ATP11A: variants seen among roughly 807,000 people sequenced by gnomAD.
The protein encoded by ATP11A is ATPase phospholipid transporting 11A, also known as phospholipid-transporting ATPase IH.
A neutral mutation model predicts 154.4 loss-of-function variants in ATP11A; 81 were observed. The observed-to-expected ratio is 0.52, with a 90% confidence interval of 0.44 to 0.63. The LOEUF (loss-of-function observed/expected upper bound fraction) is 0.63, where lower values mean the gene tolerates loss of function less well. Among genes scored for constraint, ATP11A ranks in the 30% least tolerant of loss-of-function variants. The probability of loss-of-function intolerance (pLI) is 0.00; values close to 1 mark genes in which losing one functional copy is unlikely to be tolerated. For synonymous variants in ATP11A, 623 were observed against 585.9 expected (o/e 1.06, Z -0.91); for missense variants, 1,316 against 1,474.3 (o/e 0.89, Z 1.76).
rs1396515837 is a variant in ATP11A, at chr13:112,882,525, C to T, written c.*659C>T. ...GCCGGGTCACTCGGATACCATCATC[C>T]CTGCGGATGCACCGCCGTACCCTGC... On this transcript the variant is annotated 3_prime_UTR_variant, in exon 30 of 30. Transcript: ENST00000375645. The surrounding 1 kb of genome is among the most constrained non-coding windows in gnomAD (Gnocchi z 5.1). The T allele has an allele frequency of 2.2e-6, 1 of 454,514 alleles. No individual in the cohort carries two copies. The highest frequency in any genetic ancestry group is 3.8e-5 in the Admixed American group (1 of 26,168). The allele number at this position is 454,514 out of a possible 1,614,324, so 28.2% of individuals were successfully genotyped here.
At chr13:112,878,398 G>A (rs779900959) in intron 29 of ATP11A, 95 bp downstream of exon 29, 68 of 1,371,118 alleles carry the variant, frequency 5.0e-5, no homozygotes, top group African/African-American at 8.5e-5. Flanking sequence ...GTGCTCTGAC[G>A]CAGCGTCCAC....
rs1324672592 is a variant in ATP11A, at chr13:112,858,235, A to C, written c.2612A>C (p.His871Pro). Residue 871 changes from histidine (H) to proline (P), a missense_variant, in exon 22 of 30, where the codon CAC (histidine) becomes CCC (proline). His to Pro is a moderately conservative substitution (Grantham distance 77). This residue lies in a region of ATP11A where 19 missense variants were observed against 46.6 expected (regional missense o/e 0.41). Transcript: ENST00000375645. ...FKHLKKMLLV[H>P]GHFYYIRISE... Reference sequence around the variant, plus strand: ...CATTTGAAGAAGATGCTGCTTGTTCACGGGCATTTTTATTACATTAGGATC... The same window carrying C: ...CATTTGAAGAAGATGCTGCTTGTTCCCGGGCATTTTTATTACATTAGGATC... 1 of 1,613,994 alleles carries C rather than the reference A, an allele frequency of 6.2e-7. No individual in the cohort carries two copies. Among genetic ancestry groups the C allele is most frequent in the Non-Finnish European group, 8.5e-7 (1 of 1,180,020 alleles).
Position 112,883,882 on chromosome 13 carries a change from G to A in ATP11A, c.*2016G>A, listed in dbSNP as rs1424596213. On this transcript the variant is annotated 3_prime_UTR_variant, in exon 30 of 30. Coordinates refer to ENST00000375645, the MANE Select transcript of ATP11A (RefSeq NM_015205.3). The stretch of plus-strand genomic sequence containing the variant: ...CATAAATGTAACACCTGTAGCGGGG[G>A]CAGATTCTCTGTATGTTCAGTTAAC... 3 of 152,598 alleles carry A rather than the reference G, an allele frequency of 2.0e-5. No homozygotes were observed. Among genetic ancestry groups the A allele is most frequent in the Non-Finnish European group, 2.9e-5 (2 of 68,042 alleles). 9.5% of individuals were successfully genotyped at this position (152,598 alleles called of 1,614,324 possible).
intron 1 of ATP11A, among the ~76,000 whole-genome samples, chr13:112,712,900 C>T (rs1012256578): frequency 2.6e-5 from 4 of 152,150 alleles, no homozygotes; most frequent in South Asian, 2.1e-4. Flanking sequence ...GGTAACACCT[C>T]GGAGGTGAGG....
In ATP11A at chr13:112,859,368, C is replaced by T. The variant is rs10492684; in HGVS notation, c.2668-25C>T. The T allele has an allele frequency of 6.2e-7, 1 of 1,610,192 alleles. No homozygotes were observed. The highest frequency in any genetic ancestry group is 8.5e-7 in the Non-Finnish European group (1 of 1,176,516). On this transcript the variant is annotated intron_variant, in intron 22 of 29. Transcript: ENST00000375645. The surrounding 1 kb of genome is among the most constrained non-coding windows in gnomAD (Gnocchi z 4.3). Reference sequence around the variant, plus strand: ...TGCCTCCCTCTGTCCCGTCACCGAACTAACAGTTATGCCTTGCCTTTCAGA... The same window carrying T: ...TGCCTCCCTCTGTCCCGTCACCGAATTAACAGTTATGCCTTGCCTTTCAGA...
At position 112,754,965 on chromosome 13, in the gene ATP11A, C is replaced by T. The variant is rs2076783485; in HGVS notation, c.40-30170C>T. Among the ~76,000 whole-genome samples the T allele has an allele frequency of 6.6e-6, 1 of 152,196 alleles. No individual in the cohort carries two copies. The highest frequency in any genetic ancestry group is 2.1e-4 in the South Asian group (1 of 4,830). On this transcript the variant is annotated intron_variant, in intron 1 of 29. Coordinates refer to ENST00000375645, the MANE Select transcript of ATP11A (RefSeq NM_015205.3). The surrounding 1 kb of genome is among the most constrained non-coding windows in gnomAD (Gnocchi z 5.3). ...CTGCTCCGCGGTGGGCGCAGAGCTCCTGCCGAGGGCTGGATGGCGCGGACC... is the reference window on the plus strand; with the variant it reads ...CTGCTCCGCGGTGGGCGCAGAGCTCTTGCCGAGGGCTGGATGGCGCGGACC...
At chr13:112,767,533 A>T (rs2077123988) in intron 1 of ATP11A, among the ~76,000 whole-genome samples, 1 of 150,568 alleles carries the variant, frequency 6.6e-6, no homozygotes, top group Non-Finnish European at 1.5e-5. Flanking sequence ...CCCTGTGGGA[A>T]GGTAGGGAGG....
intron 1 of ATP11A, among the ~76,000 whole-genome samples, chr13:112,718,855 T>C (rs1178237726): frequency 1.3e-5 from 2 of 152,010 alleles, no homozygotes; most frequent in African/African-American, 2.4e-5. Context: ...TTCTTTTGTA[T>C]TTTTAGTAGA....
At chr13:112,784,986 G>A (rs561253480) in intron 1 of ATP11A, 149 bp from the exon 2 acceptor site, 8 of 1,057,772 alleles carry the variant, frequency 7.6e-6, no homozygotes, top group East Asian at 3.1e-5. Context: ...GGGGTGCTGG[G>A]CCCCAGGTCT....
intron 1 of ATP11A, among the ~76,000 whole-genome samples, chr13:112,755,250 T>C (rs1480824108): frequency 6.6e-6 from 1 of 152,196 alleles, no homozygotes; most frequent in Non-Finnish European, 1.5e-5. Context: ...GGCGGGTCTG[T>C]GGGCCTCTGC....
chr13:112,808,631 G>A (rs1291049229), intron 4 of ATP11A, among the ~76,000 whole-genome samples: 4 of 152,122 alleles, frequency 2.6e-5, no homozygotes, highest in African/African-American at 9.6e-5. Context: ...GCCCCTCCTC[G>A]CTTGCCTTGG....
chr13:112,793,489 C>T (rs747366310), intron 2 of ATP11A, among the ~76,000 whole-genome samples: 8 of 152,366 alleles, frequency 5.3e-5, no homozygotes, highest in South Asian at 2.1e-4. Flanking sequence ...AGACGTGAGT[C>T]GCCGCGCCCA....
chr13:112,825,045 C>T (rs1170991507), intron 10 of ATP11A, among the ~76,000 whole-genome samples: 1 of 152,058 alleles, frequency 6.6e-6, no homozygotes. Context: ...TCCTTCCTTC[C>T]TCTACAGTGG....
Position 112,753,011 on chromosome 13 carries a change from T to C in ATP11A, c.40-32124T>C, listed in dbSNP as rs2076731828. Among the ~76,000 whole-genome samples, 1 of 152,228 alleles carries C rather than the reference T, an allele frequency of 6.6e-6. No individual in the cohort carries two copies. Among genetic ancestry groups the C allele is most frequent in the Non-Finnish European group, 1.5e-5 (1 of 68,046 alleles). ...CACAGGTGAGTTAACAGGTCATCTT[T>C]TCATCTTTCACTCTAAGTCTTGGGG... On this transcript the variant is annotated intron_variant, in intron 1 of 29. Coordinates refer to ENST00000375645, the MANE Select transcript of ATP11A (RefSeq NM_015205.3). This position sits in a 1 kb window ranked among gnomAD's most constrained non-coding sequence, Gnocchi z 4.1.
In ATP11A at chr13:112,696,226, C is replaced by T. The variant is rs895670092; in HGVS notation, c.39+5771C>T. Among the ~76,000 whole-genome samples the T allele has an allele frequency of 1.7e-4, 26 of 152,308 alleles. No individual in the cohort carries two copies. The highest frequency in any genetic ancestry group is 6.0e-4 in the African/African-American group (25 of 41,582). Reference sequence around the variant, plus strand: ...CAGTGCACGGGGCGTCTTTGTTGCGCGCATGGACCTGCGGCTGCATCACCG... The same window carrying T: ...CAGTGCACGGGGCGTCTTTGTTGCGTGCATGGACCTGCGGCTGCATCACCG... On this transcript the variant is annotated intron_variant, in intron 1 of 29. Transcript: ENST00000375645. This position sits in a 1 kb window ranked among gnomAD's most constrained non-coding sequence, Gnocchi z 6.2.
intron 17 of ATP11A, among the ~76,000 whole-genome samples, chr13:112,844,682 G>A (rs1209936263): frequency 1.3e-5 from 2 of 152,124 alleles, no homozygotes; most frequent in African/African-American, 4.8e-5. Flanking sequence ...AGCAGCACTC[G>A]TTCAGTTGCC....
intron 1 of ATP11A, among the ~76,000 whole-genome samples, chr13:112,721,748 C>G (rs1337870383): frequency 6.6e-6 from 1 of 152,316 alleles, no homozygotes; most frequent in East Asian, 1.9e-4. Flanking sequence ...TCTTCTGGCC[C>G]CCAGCGAATG....
At chr13:112,719,724 G>A (rs189028200) in intron 1 of ATP11A, among the ~76,000 whole-genome samples, 5 of 152,170 alleles carry the variant, frequency 3.3e-5, no homozygotes, top group Admixed American at 3.3e-4. Flanking sequence ...TGCTGACTCA[G>A]GTCAACAGAA....
At position 112,690,492 on chromosome 13, in the gene ATP11A, C is replaced by A; in HGVS notation, c.39+37C>A. ...CGGCGCGGGCTGGGGGACCCGGGGA[C>A]CAGACAGACGCGGGCCGGCCCCGCA... On this transcript the variant is annotated intron_variant, in intron 1 of 29. Transcript: ENST00000375645. The surrounding 1 kb of genome is among the most constrained non-coding windows in gnomAD (Gnocchi z 5.6). 1 of 1,305,018 alleles carries A rather than the reference C, an allele frequency of 7.7e-7. No homozygotes were observed. 80.8% of individuals were successfully genotyped at this position (1,305,018 alleles called of 1,614,324 possible). A position where few individuals can be genotyped will look rare whatever the true frequency, so the allele number is the denominator to read the frequency against.
Sources: gnomAD v4.1 joint callset for allele counts (sites outside exome capture counted in the v4.1 genomes callset) on GRCh38, gnomAD v4.1.1 for gene constraint, gnomAD v4.1.1 regional missense constraint, Gnocchi (gnomAD v3.1) non-coding constraint, MANE v1.5 for transcripts, NCBI Gene and HGNC (gene_info 2026-07-23, HGNC 2026-07-21) for gene names.